The following MMP2 variants were observed in gnomAD, a reference collection of about 807,000 sequenced individuals.
The protein encoded by MMP2 is 72 kDa type IV collagenase.
A neutral mutation model predicts 74.8 loss-of-function variants in MMP2; 39 were observed. The observed-to-expected ratio is 0.52, with a 90% CI of 0.40 to 0.68. The LOEUF (loss-of-function observed/expected upper bound fraction) is 0.68. Among genes scored for constraint, MMP2 ranks in the 30% least tolerant of loss-of-function variants. The pLI, the probability that MMP2 is intolerant of heterozygous loss-of-function variation, is 0.00. For synonymous variants in MMP2, 367 were observed against 339.8 expected, an observed-to-expected ratio of 1.08 and a Z score of -0.88; for missense variants, 803 against 878.3, an observed-to-expected ratio of 0.91 and a Z score of 1.08.
chr16:55,479,870 T>A, intron 1 of MMP2: 2 of 545,034 alleles, frequency 3.7e-6, no homozygotes, highest in South Asian at 2.2e-5. Context: ...CATACAGCAG[T>A]GGGGCGAAAA....
intron 9 of MMP2, among the ~76,000 whole-genome samples, chr16:55,494,569 C>A (rs1962489529): frequency 6.6e-6 from 1 of 152,174 alleles, no homozygotes; most frequent in South Asian, 2.1e-4. Context: ...CCTCCTATAA[C>A]AGAACCATCT....
In MMP2 at chr16:55,488,643, G is replaced by T; in HGVS notation, c.933G>T (p.Thr311=). The T allele has an allele frequency of 1.2e-6, 2 of 1,613,706 alleles. No homozygotes were observed. The highest frequency in any genetic ancestry group is 1.7e-6 in the Non-Finnish European group (2 of 1,179,884). Residue 311 remains threonine, a synonymous_variant, in exon 6 of 13, where the codon ACG becomes ACT. Transcript: ENST00000219070. ...ACAGCTGCACCACTGAGGGCCGCAC[G>T]GATGGCTACCGCTGGTGCGGCACCA... ...SYDSCTTEGR[T]DGYRWCGTTE...
intron 3 of MMP2, among the ~76,000 whole-genome samples, 164 bp from the exon 4 acceptor site, chr16:55,485,135 A>C (rs1198631054): frequency 6.6e-6 from 1 of 152,128 alleles, no homozygotes; most frequent in Non-Finnish European, 1.5e-5. Context: ...CCAGGTCAGC[A>C]GATCTCTACT....
In MMP2 at chr16:55,485,402, G is replaced by C. The variant is rs1188181251; in HGVS notation, c.633G>C (p.Glu211Asp). The C allele has an allele frequency of 6.2e-7, 1 of 1,614,120 alleles. No homozygotes were observed. The highest frequency in any genetic ancestry group is 8.5e-7 in the Non-Finnish European group (1 of 1,180,016). The change falls in exon 4 of 13, where the codon GAG becomes GAC. Residue 211 changes from glutamate (E) to aspartate (D), a missense_variant. Around this residue, in one of 3 missense-constraint regions of MMP2, gnomAD observed 25 missense variants for 53.5 expected, o/e 0.47. Coordinates refer to ENST00000219070, the MANE Select transcript of MMP2 (RefSeq NM_004530.6). ...VGGDSHFDDD[E>D]LWTLGEGQVV... Reference sequence around the variant, plus strand: ...GAGACTCCCATTTTGATGACGATGAGCTATGGACCTTGGGAGAAGGCCAAG... The same window carrying C: ...GAGACTCCCATTTTGATGACGATGACCTATGGACCTTGGGAGAAGGCCAAG...
At position 55,483,099 on chromosome 16, in the gene MMP2, G is replaced by C; in HGVS notation, c.344G>C (p.Arg115Pro). ...GTGGCCAACTACAACTTCTTCCCTC[G>C]CAAGCCCAAGTGGGACAAGAACCAG... ...PDVANYNFFPRKPKWDKNQIT... is the reference protein window; with the variant it reads ...PDVANYNFFPPKPKWDKNQIT... The change falls in exon 2 of 13, where the codon CGC (arginine) becomes CCC (proline). Residue 115 changes from arginine to proline, a missense_variant. Arg to Pro is a moderately radical substitution (Grantham distance 103, BLOSUM62 -2). This residue lies in a region of MMP2 where 223 missense variants were observed against 232.8 expected (regional missense o/e 0.96). Transcript: ENST00000219070. The C allele has an allele frequency of 6.2e-7, 1 of 1,614,074 alleles. No individual in the cohort carries two copies. The highest frequency in any genetic ancestry group is 8.5e-7 in the Non-Finnish European group (1 of 1,179,984).
chr16:55,488,466 C>A (rs1567375948), intron 5 of MMP2, 77 bp from the exon 6 acceptor site: 2 of 1,409,332 alleles, frequency 1.4e-6, no homozygotes, highest in Admixed American at 1.8e-5. Context: ...TGTGAACCGG[C>A]AGGTGGGCAG....
intron 9 of MMP2, among the ~76,000 whole-genome samples, 153 bp downstream of exon 9, chr16:55,493,446 C>T (rs776211200): frequency 6.6e-6 from 1 of 152,148 alleles, no homozygotes; most frequent in Non-Finnish European, 1.5e-5. Context: ...AAACAACCTC[C>T]AGGTTTCAGT....
chr16:55,500,521 A>ACACACACACG (rs1555493267), intron 11 of MMP2, among the ~76,000 whole-genome samples: 1 of 151,718 alleles, frequency 6.6e-6, no homozygotes, highest in African/African-American at 2.4e-5. Context: ...ACACACACAC[A>ACACACACACG]CACACACACA....
At chr16:55,481,054 C>G (rs981607320) in intron 1 of MMP2, among the ~76,000 whole-genome samples, 2 of 152,008 alleles carry the variant, frequency 1.3e-5, no homozygotes, top group Non-Finnish European at 1.5e-5. Context: ...TTGGCTTGCA[C>G]AGGAAGGAAT....
intron 1 of MMP2, chr16:55,480,126 C>T (rs1284416876): frequency 1.3e-5 from 2 of 156,464 alleles, no homozygotes; most frequent in South Asian, 1.9e-4. Context: ...TGCTCTGGCA[C>T]ACAATTTGGG....
At chr16:55,504,239 A>T (rs1201870183) in intron 12 of MMP2, among the ~76,000 whole-genome samples, 3 of 152,124 alleles carry the variant, frequency 2.0e-5, no homozygotes. Context: ...AGAAATCTGT[A>T]CTTCTGTGTG....
At chr16:55,500,749 T>C (rs1386495862) in intron 11 of MMP2, among the ~76,000 whole-genome samples, 1 of 152,210 alleles carries the variant, frequency 6.6e-6, no homozygotes, top group Non-Finnish European at 1.5e-5. Context: ...CAGATCTCTA[T>C]TCCAAGAGAA....
At position 55,498,363 on chromosome 16, in the gene MMP2, C is replaced by A; in HGVS notation, c.1684C>A (p.Pro562Thr). 1 of 1,614,196 alleles carries A rather than the reference C, an allele frequency of 6.2e-7. No homozygotes were observed. The highest frequency in any genetic ancestry group is 8.5e-7 in the Non-Finnish European group (1 of 1,180,042). Residue 562 changes from proline to threonine, a missense_variant, in exon 11 of 13, where the codon CCC (proline) becomes ACC (threonine). By Grantham distance (38) the Pro-to-Thr change is conservative (BLOSUM62 -1). Transcript: ENST00000219070. Reference sequence around the variant, plus strand: ...CAAGCCACTGACCAGCCTGGGACTGCCCCCTGATGTCCAGCGAGTGGATGC... The same window carrying A: ...CAAGCCACTGACCAGCCTGGGACTGACCCCTGATGTCCAGCGAGTGGATGC... ...YPKPLTSLGL[P>T]PDVQRVDAAF...
At position 55,484,032 on chromosome 16, in the gene MMP2, C is replaced by A. The variant is rs1473600935; in HGVS notation, c.397C>A (p.Pro133Thr). 1 of 1,614,196 alleles carries A rather than the reference C, an allele frequency of 6.2e-7. No homozygotes were observed. The highest frequency in any genetic ancestry group is 1.7e-5 in the Admixed American group (1 of 60,030). Residue 133 changes from proline (P) to threonine (T), a missense_variant, in exon 3 of 13, where the codon CCT becomes ACT. Around this residue, in one of 3 missense-constraint regions of MMP2, gnomAD observed 223 missense variants for 232.8 expected, o/e 0.96. Coordinates refer to ENST00000219070, the MANE Select transcript of MMP2 (RefSeq NM_004530.6). ...CACCTCCAGGATCATTGGCTACACA[C>A]CTGATCTGGACCCAGAGACAGTGGA... ...QITYRIIGYT[P>T]DLDPETVDDA...
At chr16:55,493,347 T>C (rs1962461888) in intron 9 of MMP2, 54 bp downstream of exon 9, 8 of 1,610,536 alleles carry the variant, frequency 5.0e-6, no homozygotes, top group Admixed American at 3.3e-5. Context: ...TCTGCTCTTA[T>C]ACCATTATTC....
rs771526366 is a variant in MMP2 at position 55,489,755 on chromosome 16, G to A, written c.1111G>A (p.Gly371Arg). Residue 371 changes from glycine (G) to arginine (R), a missense_variant, in exon 7 of 13, where the codon GGA becomes AGA. Physicochemically the swap from Gly to Arg is moderately radical, Grantham distance 125. Transcript: ENST00000219070. ...ESCTSAGRSDGKMWCATTANY... is the reference protein window; with the variant it reads ...ESCTSAGRSDRKMWCATTANY... Reference sequence around the variant, plus strand: ...CTGCACCAGCGCCGGCCGCAGTGACGGAAAGATGTGGTGTGCGACCACAGC... The same window carrying A: ...CTGCACCAGCGCCGGCCGCAGTGACAGAAAGATGTGGTGTGCGACCACAGC... 22 of 1,614,004 alleles carry A rather than the reference G, an allele frequency of 1.4e-5. No individual in the cohort carries two copies. The highest frequency in any genetic ancestry group is 4.0e-5 in the African/African-American group (3 of 74,912).
chr16:55,483,150 C>A lies in MMP2; in HGVS notation c.380+15C>A, dbSNP rs1285541686. ...ATCACATACAGGTGCCGGGGCAGGG[C>A]TTGGGGAGGCAGGGCCATGGGGCTG... On this transcript the variant is annotated intron_variant, in intron 2 of 12. Coordinates refer to ENST00000219070, the MANE Select transcript of MMP2 (RefSeq NM_004530.6). The A allele has an allele frequency of 6.2e-7, 1 of 1,605,666 alleles. No individual in the cohort carries two copies. Among genetic ancestry groups the A allele is most frequent in the Non-Finnish European group, 8.5e-7 (1 of 1,173,150 alleles).
intron 2 of MMP2, among the ~76,000 whole-genome samples, chr16:55,483,435 T>C (rs1441471896): frequency 6.6e-6 from 1 of 152,166 alleles, no homozygotes; most frequent in South Asian, 2.1e-4. Flanking sequence ...TAGGCTGAAC[T>C]AATACAAACG....
chr16:55,481,825 T>C (rs2142342596), intron 1 of MMP2: 1 of 752,014 alleles, frequency 1.3e-6, no homozygotes, highest in African/African-American at 1.7e-5. Context: ...AACTGGGAAA[T>C]TTCCTATCTC....
Sources: allele counts gnomAD v4.1 joint callset (sites outside exome capture counted in the v4.1 genomes callset), GRCh38; gene constraint gnomAD v4.1.1; regional missense constraint gnomAD v4.1.1; transcripts MANE v1.5; gene names NCBI Gene and HGNC (gene_info 2026-07-23, HGNC 2026-07-21).